Variants in UHRF2 observed in about 807,000 individuals in gnomAD.
UHRF2 encodes E3 ubiquitin-protein ligase UHRF2.
Under a neutral mutation model 96.8 loss-of-function variants are expected in UHRF2, and 23 were observed. The ratio of observed to expected loss-of-function variants is 0.24; its 90% CI spans 0.17 to 0.34. The LOEUF (loss-of-function observed/expected upper bound fraction) is 0.34. UHRF2 is among the 10% of genes least tolerant of loss of function. The pLI, the probability that UHRF2 is intolerant of heterozygous loss-of-function variation, is 1.00. For synonymous variants in UHRF2, 385 were observed against 332.6 expected (o/e 1.16, Z -1.72); for missense variants, 685 against 981.5 (o/e 0.70, Z 4.04).
At chr9:6,431,169 A>G (rs533523028) in intron 2 of UHRF2, among the ~76,000 whole-genome samples, 35 of 152,224 alleles carry the variant, frequency 2.3e-4, no homozygotes, top group Non-Finnish European at 2.1e-4. Context: ...GCCTATTCAA[A>G]TTTTGCTTGA....
rs546950041 is a variant in UHRF2 at position 6,426,888 on chromosome 9, A to T, written c.384+5746A>T. On this transcript the variant is annotated intron_variant, in intron 2 of 15. Coordinates refer to ENST00000276893, the MANE Select transcript of UHRF2 (RefSeq NM_152896.3). The stretch of plus-strand genomic sequence containing the variant: ...TTCAGTCTCTTGAGTAGTTGGGATT[A>T]CAGGCACCCGCCACCATGCCCAGCT... Among the ~76,000 whole-genome samples, 4 of 152,210 alleles carry T rather than the reference A, an allele frequency of 2.6e-5. No individual in the cohort carries two copies. The South Asian group carries it at 8.3e-4, about 32-fold the overall frequency.
chr9:6,490,513 A>G (rs1480512420), intron 9 of UHRF2, among the ~76,000 whole-genome samples: 2 of 152,202 alleles, frequency 1.3e-5, no homozygotes, highest in Admixed American at 6.5e-5. Context: ...CTGTAATCCC[A>G]GCTACTTGGG....
intron 6 of UHRF2, 31 bp from the exon 7 acceptor site, chr9:6,481,612 A>T: frequency 6.2e-7 from 1 of 1,603,188 alleles, no homozygotes; most frequent in Non-Finnish European, 8.5e-7. Context: ...GGTATTGTGA[A>T]AATGCCTTCG....
chr9:6,499,146 GAAGC>G (rs1825128188), intron 12 of UHRF2: 1 of 152,216 alleles, frequency 6.6e-6, no homozygotes, highest in African/African-American at 2.4e-5. Flanking sequence ...ACTGTGAGCA[GAAGC>G]ATGTGAGCCC....
chr9:6,437,247 T>A (rs879317037), intron 3 of UHRF2, among the ~76,000 whole-genome samples: 7 of 152,214 alleles, frequency 4.6e-5, no homozygotes, highest in Non-Finnish European at 1.0e-4. Flanking sequence ...TTATTATTAT[T>A]TTTTAGACAG....
chr9:6,438,158 A>AT (rs1820961425), intron 3 of UHRF2, among the ~76,000 whole-genome samples: 2 of 152,220 alleles, frequency 1.3e-5, no homozygotes, highest in Admixed American at 6.5e-5. Flanking sequence ...AGCTCTTAGA[A>AT]GAGATTTCTG....
chr9:6,454,804 A>C (rs1822079620), intron 3 of UHRF2, among the ~76,000 whole-genome samples: 1 of 152,200 alleles, frequency 6.6e-6, no homozygotes, highest in Non-Finnish European at 1.5e-5. Flanking sequence ...AGGATATGAT[A>C]TTTAATATCA....
chr9:6,434,529 C>T (rs1203467529), intron 3 of UHRF2, among the ~76,000 whole-genome samples: 1 of 152,082 alleles, frequency 6.6e-6, no homozygotes, highest in Non-Finnish European at 1.5e-5. Context: ...ACCTCAGCCT[C>T]CTGGGTTTAA....
intron 2 of UHRF2, among the ~76,000 whole-genome samples, chr9:6,421,981 G>A (rs911526165): frequency 1.3e-5 from 2 of 151,938 alleles, no homozygotes; most frequent in African/African-American, 4.8e-5. Context: ...TTAACATACC[G>A]CGGTATATTT....
At chr9:6,442,387 C>A (rs1239809946) in intron 3 of UHRF2, among the ~76,000 whole-genome samples, 2 of 152,186 alleles carry the variant, frequency 1.3e-5, no homozygotes, top group African/African-American at 2.4e-5. Context: ...AGTCTCTGGT[C>A]ATTACAGAAT....
At chr9:6,459,331 C>T (rs1822379648) in intron 3 of UHRF2, among the ~76,000 whole-genome samples, 1 of 152,150 alleles carries the variant, frequency 6.6e-6, no homozygotes, top group South Asian at 2.1e-4. Flanking sequence ...ACTTGATGAA[C>T]TTGTACAAAG....
At chr9:6,475,369 C>T (rs753967714) in intron 4 of UHRF2, 22 bp from the exon 5 acceptor site, 7 of 1,454,120 alleles carry the variant, frequency 4.8e-6, no homozygotes, top group Non-Finnish European at 6.4e-6. Context: ...CAGAAGTTAA[C>T]CTTTCTTCCT....
chr9:6,461,281 C>T (rs1822518691), intron 4 of UHRF2, among the ~76,000 whole-genome samples: 3 of 151,996 alleles, frequency 2.0e-5, no homozygotes, highest in African/African-American at 2.4e-5. Flanking sequence ...GAATCAAATC[C>T]TTCAGATATT....
At chr9:6,417,905 C>G (rs1255625206) in intron 1 of UHRF2, among the ~76,000 whole-genome samples, 2 of 152,216 alleles carry the variant, frequency 1.3e-5, no homozygotes, top group African/African-American at 4.8e-5. Flanking sequence ...CTCAACGTCA[C>G]TCTGACTCTG....
intron 9 of UHRF2, among the ~76,000 whole-genome samples, chr9:6,487,370 T>C (rs367736356): frequency 2.6e-5 from 4 of 151,586 alleles, no homozygotes; most frequent in African/African-American, 4.8e-5. Context: ...TGTATTTTTA[T>C]GTATTTATTT....
rs921954925 is a variant in UHRF2 at position 6,500,647 on chromosome 9, A to G, written c.2101A>G (p.Arg701Gly). The G allele has an allele frequency of 4.3e-6, 7 of 1,614,008 alleles. No individual in the cohort carries two copies. Among genetic ancestry groups the G allele is most frequent in the South Asian group, 1.1e-5 (1 of 91,052 alleles). Residue 701 changes from arginine to glycine, a missense_variant, in exon 14 of 16, where the codon AGA becomes GGA. Coordinates refer to ENST00000276893, the MANE Select transcript of UHRF2 (RefSeq NM_152896.3). The stretch of plus-strand genomic sequence containing the variant: ...AACTCCTCAACAGCAACATCTCATC[A>G]GAGAAGATTGTCAAAACCAGAAGCT... The part of the protein sequence containing the change: ...QLTPQQQHLI[R>G]EDCQNQKLWD...
At chr9:6,444,656 C>T (rs550623449) in intron 3 of UHRF2, among the ~76,000 whole-genome samples, 1 of 152,104 alleles carries the variant, frequency 6.6e-6, no homozygotes, top group Non-Finnish European at 1.5e-5. Flanking sequence ...GGCTGGAGTA[C>T]AATGGCATAA....
At position 6,499,905 on chromosome 9, in the gene UHRF2, G is replaced by C; in HGVS notation, c.1979G>C (p.Gly660Ala). The C allele has an allele frequency of 6.2e-7, 1 of 1,611,530 alleles. No homozygotes were observed. The highest frequency in any genetic ancestry group is 8.5e-7 in the Non-Finnish European group (1 of 1,178,550). Residue 660 changes from glycine (G) to alanine (A), a missense_variant, in exon 13 of 16, where the codon GGA (glycine) becomes GCA (alanine). Coordinates refer to ENST00000276893, the MANE Select transcript of UHRF2 (RefSeq NM_152896.3). ...PKGQSKKQPS[G>A]TTKRPISDDD... ...GGACAGTCAAAGAAGCAGCCCAGTGGAACCACAAAAAGGCCAATTTCAGAT... is the reference window on the plus strand; with the variant it reads ...GGACAGTCAAAGAAGCAGCCCAGTGCAACCACAAAAAGGCCAATTTCAGAT...
At chr9:6,419,352 A>G (rs905285603) in intron 1 of UHRF2, among the ~76,000 whole-genome samples, 10 of 152,232 alleles carry the variant, frequency 6.6e-5, no homozygotes, top group Non-Finnish European at 1.3e-4. Context: ...TTTATTCACT[A>G]TTCTTCCTGG....
Sources: gnomAD v4.1 joint callset for allele counts (sites outside exome capture counted in the v4.1 genomes callset) on GRCh38, gnomAD v4.1.1 for gene constraint, MANE v1.5 for transcripts, NCBI Gene and HGNC (gene_info 2026-07-23, HGNC 2026-07-21) for gene names.